SESN1: variants seen among roughly 807,000 people sequenced by gnomAD.
SESN1 encodes sestrin-1.
In SESN1, 30 loss-of-function variants were observed where a neutral mutation model predicts 59.3. The observed-to-expected ratio is 0.51, with a 90% CI of 0.38 to 0.69. The LOEUF (loss-of-function observed/expected upper bound fraction) is 0.69. Ranked by LOEUF, SESN1 falls within the 30% of genes least tolerant of loss-of-function variation. The probability of loss-of-function intolerance (pLI) is 0.00; values close to 1 mark genes in which losing one functional copy is unlikely to be tolerated. For missense variants in SESN1, 566 were observed against 673.0 expected, an observed-to-expected ratio of 0.84 and a Z score of 1.76; for synonymous variants, 197 against 219.9, an observed-to-expected ratio of 0.90 and a Z score of 0.92.
At chr6:109,012,848 C>T (rs1003533581) in intron 1 of SESN1, among the ~76,000 whole-genome samples, 1 of 152,038 alleles carries the variant, frequency 6.6e-6, no homozygotes, top group Non-Finnish European at 1.5e-5. Context: ...GGCGTGGTGG[C>T]TTACGCCTGT....
chr6:109,087,669 T>C (rs1781235955), intron 1 of SESN1, among the ~76,000 whole-genome samples: 1 of 152,218 alleles, frequency 6.6e-6, no homozygotes, highest in South Asian at 2.1e-4. Context: ...ATGCACTACC[T>C]TAGACTTTTG....
Position 108,994,442 on chromosome 6 carries a change from T to C in SESN1, c.1120+20A>G. On this transcript the variant is annotated intron_variant, in intron 6 of 9. Coordinates refer to ENST00000436639, the MANE Select transcript of SESN1 (RefSeq NM_014454.3). ...TTGAGTTTGCAATAATTATATTGAC[T>C]ATATAATGGTTGTTCTTACCTGAAG... The C allele has an allele frequency of 6.4e-7, 1 of 1,574,456 alleles. No individual in the cohort carries two copies. Among genetic ancestry groups the C allele is most frequent in the Non-Finnish European group, 8.7e-7 (1 of 1,154,570 alleles).
At chr6:109,013,768 C>A (rs7767882) in intron 1 of SESN1, among the ~76,000 whole-genome samples, 15,223 of 152,150 alleles carry the variant, frequency 0.1, 925 homozygotes, top group Middle Eastern at 0.19. Context: ...GTGGTTTAAG[C>A]ATTCTTGAAA....
chr6:109,089,970 T>C (rs1271664608), intron 1 of SESN1, among the ~76,000 whole-genome samples: 1 of 152,182 alleles, frequency 6.6e-6, no homozygotes, highest in Admixed American at 6.5e-5. Context: ...CTATACTACC[T>C]TGCTCAAAAT....
At chr6:109,014,111 T>C (rs1047570819) in intron 1 of SESN1, among the ~76,000 whole-genome samples, 1 of 152,196 alleles carries the variant, frequency 6.6e-6, no homozygotes, top group Non-Finnish European at 1.5e-5. Flanking sequence ...GTTTCCTCTT[T>C]TAGAAATGTA....
At chr6:109,036,712 C>T (rs1225086402) in intron 1 of SESN1, among the ~76,000 whole-genome samples, 1 of 152,160 alleles carries the variant, frequency 6.6e-6, no homozygotes, top group African/African-American at 2.4e-5. Context: ...TAAGCCTAAG[C>T]TAAATACCTG....
intron 6 of SESN1, among the ~76,000 whole-genome samples, chr6:108,993,301 A>G (rs1779428940): frequency 6.6e-6 from 1 of 152,248 alleles, no homozygotes; most frequent in South Asian, 2.1e-4. Flanking sequence ...TTAATGACAT[A>G]TAATATGTAA....
chr6:109,002,503 TAC>T, intron 1 of SESN1, among the ~76,000 whole-genome samples, 160 bp from the exon 2 acceptor site: 1 of 152,206 alleles, frequency 6.6e-6, no homozygotes, highest in South Asian at 2.1e-4. Context: ...CTGTTAGCAT[TAC>T]ATAGCTAACA....
intron 1 of SESN1, among the ~76,000 whole-genome samples, chr6:109,042,415 C>G (rs764772829): frequency 6.6e-6 from 1 of 151,010 alleles, no homozygotes; most frequent in Non-Finnish European, 1.5e-5. Flanking sequence ...GTGAAACAAA[C>G]TGCTGGTTCT....
chr6:109,082,520 G>A (rs1781140812), intron 1 of SESN1, among the ~76,000 whole-genome samples: 1 of 152,132 alleles, frequency 6.6e-6, no homozygotes, highest in Admixed American at 6.5e-5. Context: ...TGCTGTCCAG[G>A]TACTGAAGCA....
At position 109,010,672 on chromosome 6, in the gene SESN1, T is replaced by C. The variant is rs9386768; in HGVS notation, c.280-8329A>G. On this transcript the variant is annotated intron_variant, in intron 1 of 9. Coordinates refer to ENST00000436639, the MANE Select transcript of SESN1 (RefSeq NM_014454.3). ...CTCCTAATAAATAAGATAAATGATA[T>C]ATGTTCTCTATACTGCTTTTAAAAA... Among the ~76,000 whole-genome samples, 1,317 of 152,342 alleles carry C rather than the reference T, an allele frequency of 8.6e-3. 63 individuals carry two copies. The East Asian group carries it at 0.14, about 16-fold the overall frequency.
At chr6:109,003,038 G>C (rs1562456718) in intron 1 of SESN1, among the ~76,000 whole-genome samples, 1 of 151,994 alleles carries the variant, frequency 6.6e-6, no homozygotes, top group African/African-American at 2.4e-5. Flanking sequence ...AGTGACTCTA[G>C]AATCCTGTAC....
At chr6:109,091,446 T>A (rs1403855134) in intron 1 of SESN1, among the ~76,000 whole-genome samples, 1 of 151,850 alleles carries the variant, frequency 6.6e-6, no homozygotes, top group Non-Finnish European at 1.5e-5. Context: ...AACTCCAGAG[T>A]ATGTCCTCTT....
chr6:109,020,143 A>T (rs1001826400), intron 1 of SESN1, among the ~76,000 whole-genome samples: 1 of 152,154 alleles, frequency 6.6e-6, no homozygotes, highest in Non-Finnish European at 1.5e-5. Flanking sequence ...ACAGGTAAGG[A>T]CTCAACTGCT....
intron 1 of SESN1, among the ~76,000 whole-genome samples, chr6:109,036,942 T>C (rs1780259034): frequency 6.6e-6 from 1 of 152,240 alleles, no homozygotes; most frequent in African/African-American, 2.4e-5. Context: ...GGTTTACAGA[T>C]GTTTAAAAAC....
At chr6:109,053,754 T>G (rs1780582415) in intron 1 of SESN1, among the ~76,000 whole-genome samples, 1 of 152,198 alleles carries the variant, frequency 6.6e-6, no homozygotes, top group Non-Finnish European at 1.5e-5. Flanking sequence ...AGGTTGGATC[T>G]CATGAAACAA....
rs542766976 is a variant in SESN1, at chr6:109,041,535, AAGC to A, written c.280-39195_280-39193del. Among the ~76,000 whole-genome samples, 443 of 152,254 alleles carry A rather than the reference AAGC, an allele frequency of 2.9e-3. 2 individuals carry two copies. Among genetic ancestry groups the A allele is most frequent in the Non-Finnish European group, 5.1e-3 (346 of 68,018 alleles). On this transcript the variant is annotated intron_variant, in intron 1 of 9. Coordinates refer to ENST00000436639, the MANE Select transcript of SESN1 (RefSeq NM_014454.3). ...TGTTGTTTTACTACATTTTTTGAAA[AAGC>A]AGGAATTTTTATATTAATACCAAAT...
chr6:109,087,526 C>A (rs987817660), intron 1 of SESN1, among the ~76,000 whole-genome samples: 1 of 151,872 alleles, frequency 6.6e-6, no homozygotes. Flanking sequence ...GGAAAGGGAC[C>A]GAGTTCACAA....
intron 1 of SESN1, among the ~76,000 whole-genome samples, chr6:109,053,446 G>C (rs1270095763): frequency 6.6e-6 from 1 of 152,196 alleles, no homozygotes; most frequent in Non-Finnish European, 1.5e-5. Context: ...AGCATGGTGT[G>C]GGGGAGGGGA....
Sources: gnomAD v4.1 joint callset for allele counts (sites outside exome capture counted in the v4.1 genomes callset) on GRCh38, gnomAD v4.1.1 for gene constraint, MANE v1.5 for transcripts, NCBI Gene and HGNC (gene_info 2026-07-23, HGNC 2026-07-21) for gene names.